CACNA1C: variants seen among roughly 807,000 people sequenced by gnomAD.
The protein encoded by CACNA1C is voltage-dependent L-type calcium channel subunit alpha-1C.
CACNA1C carries 30 observed loss-of-function variants against 229.0 expected under a neutral mutation model. That is an observed-to-expected ratio of 0.13 (90% CI 0.10 to 0.18). CACNA1C has a LOEUF of 0.18. Among genes scored for constraint, CACNA1C ranks in the 10% least tolerant of loss-of-function variants. CACNA1C has a pLI of 1.00. For synonymous variants in CACNA1C, 1,114 were observed against 1,132.5 expected (o/e 0.98, Z 0.33); for missense variants, 1,658 against 2,845.0 (o/e 0.58, Z 9.49).
At chr12:2,333,863 GA>G (rs2096620029) in intron 3 of CACNA1C, among the ~76,000 whole-genome samples, 1 of 152,204 alleles carries the variant, frequency 6.6e-6, no homozygotes, top group South Asian at 2.1e-4. Context: ...AACTCCCTAA[GA>G]AAGACAAGAC....
chr12:2,540,814 A>G (rs4394887), intron 9 of CACNA1C, among the ~76,000 whole-genome samples: 125,980 of 152,142 alleles, frequency 0.83, 52,426 homozygotes, highest in East Asian at 0.91. Context: ...AGGAAGTCTC[A>G]GGACATGAGA....
chr12:2,154,254 T>G (rs2154220382), intron 3 of CACNA1C, among the ~76,000 whole-genome samples: 1 of 152,360 alleles, frequency 6.6e-6, no homozygotes, highest in African/African-American at 2.4e-5. Flanking sequence ...CCACTCCAGC[T>G]TGTGCTGCAG....
intron 3 of CACNA1C, among the ~76,000 whole-genome samples, chr12:2,171,619 T>C (rs1291772872): frequency 6.6e-6 from 1 of 152,134 alleles, no homozygotes; most frequent in African/African-American, 2.4e-5. Context: ...TCCCCACAAA[T>C]ATTTTCTGAG....
intron 3 of CACNA1C, among the ~76,000 whole-genome samples, chr12:2,241,559 G>A (rs1398212029): frequency 1.3e-5 from 2 of 152,100 alleles, no homozygotes; most frequent in African/African-American, 4.8e-5. Flanking sequence ...AGTTCCTCTG[G>A]GTCTTCCGAA....
chr12:1,998,060 T>C, intron 1 of CACNA1C: 1 of 1,278,018 alleles, frequency 7.8e-7, no homozygotes. Flanking sequence ...AGAATAGGAA[T>C]TATATATAAC....
intron 3 of CACNA1C, among the ~76,000 whole-genome samples, chr12:2,313,609 T>C (rs2095542610): frequency 6.6e-6 from 1 of 152,178 alleles, no homozygotes; most frequent in South Asian, 2.1e-4. Flanking sequence ...TTTAAAACAT[T>C]GATTCAGAGA....
chr12:2,220,111 G>A (rs1316656696), intron 3 of CACNA1C, among the ~76,000 whole-genome samples: 1 of 152,176 alleles, frequency 6.6e-6, no homozygotes, highest in African/African-American at 2.4e-5. Context: ...GGGCTCCCCT[G>A]TTCTCCAACT....
At chr12:2,316,334 T>C (rs929340717) in intron 3 of CACNA1C, among the ~76,000 whole-genome samples, 8 of 152,238 alleles carry the variant, frequency 5.3e-5, no homozygotes, top group South Asian at 2.1e-4. Flanking sequence ...ACCTCCCTTA[T>C]TGGGTTGTTA....
intron 1 of CACNA1C, among the ~76,000 whole-genome samples, chr12:2,111,364 G>A (rs370445248): frequency 6.6e-6 from 1 of 152,144 alleles, no homozygotes; most frequent in South Asian, 2.1e-4. Context: ...CTCGTGCTCC[G>A]GGTGCAGGGA....
intron 34 of CACNA1C, among the ~76,000 whole-genome samples, chr12:2,663,716 A>G (rs2095885081): frequency 6.7e-6 from 1 of 150,370 alleles, no homozygotes; most frequent in Non-Finnish European, 1.5e-5. Context: ...ATTTTAAAAA[A>G]GAATAGAGAA....
chr12:2,081,368 A>C lies in CACNA1C; in HGVS notation c.49+27757A>C, dbSNP rs1375485402. 2.0e-5 allele frequency among the ~76,000 whole-genome samples: 3 copies of C among 152,076 alleles called. No homozygotes were observed. In the East Asian group the frequency reaches 5.8e-4, roughly 29 times the overall value. On this transcript the variant is annotated intron_variant, in intron 1 of 46. Coordinates refer to ENST00000399655, the MANE Select transcript of CACNA1C (RefSeq NM_000719.7). Reference sequence around the variant, plus strand: ...GGTGGATCATGAGGTCAGGAGATCTAGACCATCCTGGCTAACACAGTGAAA... The same window carrying C: ...GGTGGATCATGAGGTCAGGAGATCTCGACCATCCTGGCTAACACAGTGAAA...
chr12:2,205,467 T>C lies in CACNA1C; in HGVS notation c.477+85037T>C, dbSNP rs930432037. 6.6e-5 allele frequency among the ~76,000 whole-genome samples: 10 copies of C among 152,332 alleles called. No individual in the cohort carries two copies. The East Asian group carries it at 1.9e-3, about 29-fold the overall frequency. ...ACTCCTATTCTAAATCACCTTAACC[T>C]TTCATCTTGCCCTGTGGTGCTCTTG... On this transcript the variant is annotated intron_variant, in intron 3 of 46. Coordinates refer to ENST00000399655, the MANE Select transcript of CACNA1C (RefSeq NM_000719.7).
At chr12:2,005,671 A>G (rs999900284) in intron 1 of CACNA1C, among the ~76,000 whole-genome samples, 3 of 152,232 alleles carry the variant, frequency 2.0e-5, no homozygotes, top group African/African-American at 4.8e-5. Context: ...CAAATCTTGT[A>G]TAATGGAAAG....
intron 3 of CACNA1C, among the ~76,000 whole-genome samples, chr12:2,173,399 A>G (rs1295655458): frequency 6.6e-6 from 1 of 152,216 alleles, no homozygotes; most frequent in Non-Finnish European, 1.5e-5. Context: ...AGAGCTTATG[A>G]TGGAAGGTGA....
chr12:2,358,417 C>T (rs1357966510), intron 3 of CACNA1C, among the ~76,000 whole-genome samples: 3 of 152,212 alleles, frequency 2.0e-5, no homozygotes, highest in Non-Finnish European at 2.9e-5. Context: ...CTCATTACAA[C>T]CCTTTCCATT....
In CACNA1C at chr12:2,588,898, A is replaced by G. The variant is rs1172535848; in HGVS notation, c.2530+2994A>G. 2.0e-5 allele frequency among the ~76,000 whole-genome samples: 3 copies of G among 152,250 alleles called. No individual in the cohort carries two copies. The East Asian group carries it at 5.8e-4, about 29-fold the overall frequency. On this transcript the variant is annotated intron_variant, in intron 18 of 46. Transcript: ENST00000399655. ...AAAAAAGGAGTGCCACCAGACACTG[A>G]GTAGTCAGCACCGCCTGTGCTGGGG...
At chr12:2,572,606 CT>C in intron 13 of CACNA1C, among the ~76,000 whole-genome samples, 1 of 132,860 alleles carries the variant, frequency 7.5e-6, no homozygotes. Flanking sequence ...TCTCCTCCTC[CT>C]TCTCCTCTTC....
chr12:2,627,589 G>T (rs774550310), intron 29 of CACNA1C, among the ~76,000 whole-genome samples: 1 of 152,092 alleles, frequency 6.6e-6, no homozygotes, highest in Non-Finnish European at 1.5e-5. Context: ...TGGCGCACCT[G>T]TGCTCTCTCC....
At chr12:2,550,212 G>T (rs957207264) in intron 10 of CACNA1C, among the ~76,000 whole-genome samples, 179 bp downstream of exon 10, 2 of 152,186 alleles carry the variant, frequency 1.3e-5, no homozygotes, top group Admixed American at 6.5e-5. Context: ...TGGGGTGAGG[G>T]TGGCCCTGGC....
Sources: gnomAD v4.1 joint callset for allele counts (sites outside exome capture counted in the v4.1 genomes callset) on GRCh38, gnomAD v4.1.1 for gene constraint, MANE v1.5 for transcripts, NCBI Gene and HGNC (gene_info 2026-07-23, HGNC 2026-07-21) for gene names.